NIPBL: variants seen among roughly 807,000 people sequenced by gnomAD.
NIPBL encodes NIPBL cohesin loading factor, also known as nipped-B-like protein.
NIPBL carries 19 observed loss-of-function variants against 321.8 expected under a neutral mutation model. The ratio of observed to expected loss-of-function variants is 0.06; its 90% confidence interval spans 0.04 to 0.09. NIPBL has a LOEUF of 0.09. Ranked by LOEUF, NIPBL falls within the 10% of genes least tolerant of loss-of-function variation. NIPBL has a pLI of 1.00. For synonymous variants in NIPBL, 1,106 were observed against 1,114.1 expected, an observed-to-expected ratio of 0.99 and a Z score of 0.14; for missense variants, 2,210 against 3,327.0, an observed-to-expected ratio of 0.66 and a Z score of 8.26.
intron 1 of NIPBL, among the ~76,000 whole-genome samples, chr5:36,949,216 G>A (rs1368507224): frequency 6.6e-6 from 1 of 151,794 alleles, no homozygotes; most frequent in African/African-American, 2.4e-5. Flanking sequence ...AGTAAGTGGG[G>A]GAGCTTGGAT....
chr5:37,050,500 T>G (rs1753422815), intron 40 of NIPBL, among the ~76,000 whole-genome samples: 1 of 151,204 alleles, frequency 6.6e-6, no homozygotes, highest in South Asian at 2.1e-4. Context: ...AAAAAAAAAT[T>G]CACACAAAGA....
At position 37,052,469 on chromosome 5, in the gene NIPBL, G is replaced by A. The variant is rs371336448; in HGVS notation, c.7166G>A (p.Ser2389Asn). Residue 2389 changes from serine (S) to asparagine (N), a missense_variant, in exon 42 of 47, where the codon AGC becomes AAC. Physicochemically the swap from Ser to Asn is conservative, Grantham distance 46 (BLOSUM62 1). This residue lies in a region of NIPBL where 112 missense variants were observed against 288.3 expected (regional missense o/e 0.39). Coordinates refer to ENST00000282516, the MANE Select transcript of NIPBL (RefSeq NM_133433.4). ...GGTTTCAGACAAGACGAGTCCTCTA[G>A]CGCTTTGTGTTCACACCTTTACTCC... is the stretch of plus-strand genomic sequence containing the variant. ...VRGFRQDESS[S>N]ALCSHLYSMI... 6.2e-7 allele frequency: 1 copy of A among 1,613,958 alleles called. No individual in the cohort carries two copies. Among genetic ancestry groups the A allele is most frequent in the Non-Finnish European group, 8.5e-7 (1 of 1,180,000 alleles).
At chr5:37,005,239 A>G (rs1747288172) in intron 16 of NIPBL, among the ~76,000 whole-genome samples, 1 of 152,204 alleles carries the variant, frequency 6.6e-6, no homozygotes, top group Non-Finnish European at 1.5e-5. Flanking sequence ...CTGGATTATT[A>G]AATATATTTA....
chr5:36,944,976 G>T (rs1421923697), intron 1 of NIPBL, among the ~76,000 whole-genome samples: 1 of 152,046 alleles, frequency 6.6e-6, no homozygotes, highest in Non-Finnish European at 1.5e-5. Flanking sequence ...GTTTGATTTT[G>T]CATTTCTAAT....
rs746239725 is a variant in NIPBL at position 37,015,682 on chromosome 5, G to C, written c.4644-356G>C. Among the ~76,000 whole-genome samples, 125 of 152,084 alleles carry C rather than the reference G, an allele frequency of 8.2e-4. 3 individuals carry two copies. Among genetic ancestry groups the C allele is most frequent in the Non-Finnish European group, 1.9e-4 (13 of 68,014 alleles). ...GAGGTGGAGGGTTGCCGTAAGCCAA[G>C]ATCATGCCACTGCACTCCAGCCTGG... On this transcript the variant is annotated intron_variant, in intron 22 of 46. Coordinates refer to ENST00000282516, the MANE Select transcript of NIPBL (RefSeq NM_133433.4).
intron 23 of NIPBL, among the ~76,000 whole-genome samples, 196 bp downstream of exon 23, chr5:37,016,366 CTTTCA>C (rs924618092): frequency 6.6e-6 from 1 of 151,674 alleles, no homozygotes; most frequent in Non-Finnish European, 1.5e-5. Context: ...AAGTTTGGTG[CTTTCA>C]TTTCATTACA....
At chr5:36,927,071 T>G (rs1260085637) in intron 1 of NIPBL, among the ~76,000 whole-genome samples, 1 of 152,204 alleles carries the variant, frequency 6.6e-6, no homozygotes, top group Non-Finnish European at 1.5e-5. Flanking sequence ...AATATGTATA[T>G]TCTCCCTCTA....
intron 40 of NIPBL, among the ~76,000 whole-genome samples, chr5:37,050,568 T>C (rs1294603680): frequency 1.3e-5 from 2 of 152,172 alleles, no homozygotes; most frequent in Non-Finnish European, 2.9e-5. Context: ...TCACCATTTG[T>C]TGACATTTTG....
chr5:37,059,422 G>A (rs536730498), intron 44 of NIPBL, among the ~76,000 whole-genome samples: 3 of 152,242 alleles, frequency 2.0e-5, no homozygotes, highest in Non-Finnish European at 2.9e-5. Context: ...CAGGAAAATC[G>A]CTTAAACCTG....
In NIPBL at chr5:36,975,809, C is replaced by T. The variant is rs780931147; in HGVS notation, c.902C>T (p.Ser301Phe). Residue 301 changes from serine (S) to phenylalanine (F), a missense_variant, in exon 9 of 47, where the codon TCT becomes TTT. By Grantham distance (155) the Ser-to-Phe change is radical. This residue lies in a region of NIPBL where 464 missense variants were observed against 529.5 expected (regional missense o/e 0.88). Coordinates refer to ENST00000282516, the MANE Select transcript of NIPBL (RefSeq NM_133433.4). ...SRPPLILQSQ[S>F]LPCSSPRDVP... is the part of the protein sequence containing the mutation. ...CCACCTTTAATCCTACAATCTCAGT[C>T]TCTACCTTGTTCATCACCTCGAGAT... The T allele has an allele frequency of 6.2e-7, 1 of 1,613,594 alleles. No individual in the cohort carries two copies. The highest frequency in any genetic ancestry group is 2.2e-5 in the East Asian group (1 of 44,852).
chr5:36,900,032 A>C (rs888492138), intron 1 of NIPBL, among the ~76,000 whole-genome samples: 7 of 152,136 alleles, frequency 4.6e-5, no homozygotes, highest in Non-Finnish European at 8.8e-5. Flanking sequence ...GATGATGATG[A>C]TTATATTAAT....
Position 36,976,186 on chromosome 5 carries a change from G to A in NIPBL, c.1279G>A (p.Ala427Thr). ...AQCLSQQEQT[A>T]FLPANQVPVL... ...ATGTTTGTCGCAGCAAGAACAAACA[G>A]CATTCCTTCCAGCAAATCAAGTGCC... The change falls in exon 9 of 47, where the codon GCA (alanine) becomes ACA (threonine). Residue 427 changes from alanine to threonine, a missense_variant. Around this residue, in one of 14 missense-constraint regions of NIPBL, gnomAD observed 464 missense variants for 529.5 expected, o/e 0.88. Coordinates refer to ENST00000282516, the MANE Select transcript of NIPBL (RefSeq NM_133433.4). 2 of 1,612,788 alleles carry A rather than the reference G, an allele frequency of 1.2e-6. No homozygotes were observed. Among genetic ancestry groups the A allele is most frequent in the South Asian group, 2.2e-5 (2 of 90,900 alleles).
At position 36,935,662 on chromosome 5, in the gene NIPBL, A is replaced by G. The variant is rs116319376; in HGVS notation, c.-79-17956A>G. ...AGTATATTAGTTTCCTAGGACTGCTATAACAACTTATAATACCATAAAGCT... is the reference window on the plus strand; with the variant it reads ...AGTATATTAGTTTCCTAGGACTGCTGTAACAACTTATAATACCATAAAGCT... On this transcript the variant is annotated intron_variant, in intron 1 of 46. Transcript: ENST00000282516. Among the ~76,000 whole-genome samples, 1,245 of 152,302 alleles carry G rather than the reference A, an allele frequency of 8.2e-3. 13 individuals are homozygous for G. The highest frequency in any genetic ancestry group is 0.028 in the African/African-American group (1,183 of 41,570).
rs142344023 is a variant in NIPBL, at chr5:36,938,328, C to CCA, written c.-79-15274_-79-15273dup. 8.7e-3 allele frequency among the ~76,000 whole-genome samples: 1,304 copies of CCA among 150,458 alleles called. 12 individuals carry two copies. The highest frequency in any genetic ancestry group is 0.029 in the African/African-American group (1,183 of 41,066). Reference sequence around the variant, plus strand: ...CTTAAATGGTTCAGGGAGGCACACACCACACACACACACACACCCCCGACC... The same window carrying CCA: ...CTTAAATGGTTCAGGGAGGCACACACCACACACACACACACACACCCCCGACC... On this transcript the variant is annotated intron_variant, in intron 1 of 46. Coordinates refer to ENST00000282516, the MANE Select transcript of NIPBL (RefSeq NM_133433.4).
chr5:37,010,289 T>C, intron 21 of NIPBL, 64 bp downstream of exon 21: 1 of 1,287,960 alleles, frequency 7.8e-7, no homozygotes, highest in Non-Finnish European at 1.1e-6. Context: ...ATATTCTCTG[T>C]CATTCTTATA....
intron 38 of NIPBL, 31 bp from the exon 39 acceptor site, chr5:37,048,471 T>C (rs889946674): frequency 2.9e-6 from 4 of 1,386,686 alleles, no homozygotes; most frequent in Non-Finnish European, 3.9e-6. Context: ...TTAATATGAA[T>C]ATATGATGAG....
intron 40 of NIPBL, chr5:37,051,422 CAAGGCAA>C (rs1753532343): frequency 4.3e-6 from 1 of 232,314 alleles, no homozygotes; most frequent in Non-Finnish European, 8.3e-6. Context: ...ATTATCTTTA[CAAGGCAA>C]ATTCAGTCAA....
chr5:36,901,437 T>A (rs962598664), intron 1 of NIPBL, among the ~76,000 whole-genome samples: 1 of 151,922 alleles, frequency 6.6e-6, no homozygotes, highest in African/African-American at 2.4e-5. Context: ...GGTAGAATGA[T>A]GTATATTGCT....
At chr5:37,017,264 A>G in intron 24 of NIPBL, 102 bp downstream of exon 24, 1 of 1,178,938 alleles carries the variant, frequency 8.5e-7, no homozygotes, top group Non-Finnish European at 1.2e-6. Context: ...ATTCAAAATA[A>G]GATTTTTACT....
Sources: allele counts gnomAD v4.1 joint callset (sites outside exome capture counted in the v4.1 genomes callset), GRCh38; gene constraint gnomAD v4.1.1; regional missense constraint gnomAD v4.1.1; transcripts MANE v1.5; gene names NCBI Gene and HGNC (gene_info 2026-07-23, HGNC 2026-07-21).